The following SEMA6D variants were observed in gnomAD, a reference collection of about 807,000 sequenced individuals.
The protein encoded by SEMA6D is semaphorin 6D.
SEMA6D carries 35 observed loss-of-function variants against 106.6 expected under a neutral mutation model. The observed-to-expected ratio is 0.33, with a 90% CI of 0.25 to 0.44. SEMA6D has a LOEUF of 0.44. SEMA6D is among the 20% of genes least tolerant of loss of function. The pLI, the probability that SEMA6D is intolerant of heterozygous loss-of-function variation, is 1.00. For missense variants in SEMA6D, 1,185 were observed against 1,345.9 expected (o/e 0.88, Z 1.87); for synonymous variants, 499 against 487.7 (o/e 1.02, Z -0.31).
At chr15:47,208,382 TC>T (rs1895254681) in intron 1 of SEMA6D, among the ~76,000 whole-genome samples, 1 of 152,164 alleles carries the variant, frequency 6.6e-6, no homozygotes, top group African/African-American at 2.4e-5. Context: ...CTCTATTTAG[TC>T]CTCTATATTA....
At chr15:47,261,379 T>C (rs2034069733) in intron 1 of SEMA6D, among the ~76,000 whole-genome samples, 1 of 152,180 alleles carries the variant, frequency 6.6e-6, no homozygotes, top group African/African-American at 2.4e-5. Context: ...GATTTCCTTT[T>C]CAAAAGCCAG....
At chr15:47,370,927 T>A (rs191819146) in intron 1 of SEMA6D, among the ~76,000 whole-genome samples, 1 of 152,200 alleles carries the variant, frequency 6.6e-6, no homozygotes, top group Admixed American at 6.5e-5. Flanking sequence ...TGGAGGATAA[T>A]GTGGAAAGGA....
At chr15:47,569,132 G>T (rs1023929381) in intron 3 of SEMA6D, among the ~76,000 whole-genome samples, 2 of 152,122 alleles carry the variant, frequency 1.3e-5, no homozygotes, top group Non-Finnish European at 2.9e-5. Context: ...AAGGTTTCCA[G>T]TAAAGAAAAT....
intron 1 of SEMA6D, among the ~76,000 whole-genome samples, chr15:47,246,638 A>G (rs1358708665): frequency 6.6e-6 from 1 of 152,110 alleles, no homozygotes; most frequent in Non-Finnish European, 1.5e-5. Flanking sequence ...CCCTTCTCCC[A>G]TCATTGCGTC....
At chr15:47,393,927 A>G (rs557907702) in intron 1 of SEMA6D, among the ~76,000 whole-genome samples, 16 of 152,308 alleles carry the variant, frequency 1.1e-4, no homozygotes, top group Non-Finnish European at 2.2e-4. Flanking sequence ...GGTATAATTA[A>G]TGCTATCTTT....
At chr15:47,673,468 C>T (rs145685514) in intron 4 of SEMA6D, among the ~76,000 whole-genome samples, 99 of 152,290 alleles carry the variant, frequency 6.5e-4, no homozygotes, top group African/African-American at 2.1e-3. Flanking sequence ...CCAGAATCCA[C>T]GTCTGGGAAT....
chr15:47,320,295 C>T (rs555628976), intron 1 of SEMA6D, among the ~76,000 whole-genome samples: 6 of 152,288 alleles, frequency 3.9e-5, no homozygotes, highest in East Asian at 1.9e-4. Context: ...GCACCATCCT[C>T]TTGGTACCCC....
intron 1 of SEMA6D, among the ~76,000 whole-genome samples, chr15:47,718,081 T>G (rs2079196766): frequency 6.6e-6 from 1 of 152,126 alleles, no homozygotes; most frequent in Admixed American, 6.5e-5. Context: ...AGTAAAAGTT[T>G]CTTGCCAGGC....
intron 3 of SEMA6D, among the ~76,000 whole-genome samples, chr15:47,479,053 G>A (rs2043077398): frequency 2.6e-5 from 4 of 152,188 alleles, no homozygotes; most frequent in Admixed American, 2.0e-4. Context: ...TAGGGATTAT[G>A]GGAGCTACAA....
At chr15:47,663,817 G>A (rs1566969886) in intron 4 of SEMA6D, among the ~76,000 whole-genome samples, 3 of 152,192 alleles carry the variant, frequency 2.0e-5, no homozygotes, top group Non-Finnish European at 4.4e-5. Context: ...GCACATGGAT[G>A]TGGTAATTAA....
At chr15:47,463,494 AC>A (rs1455935015) in intron 2 of SEMA6D, among the ~76,000 whole-genome samples, 2 of 152,148 alleles carry the variant, frequency 1.3e-5, no homozygotes, top group African/African-American at 2.4e-5. Context: ...AAGTTTCTCA[AC>A]CCTTTGCAAT....
intron 2 of SEMA6D, among the ~76,000 whole-genome samples, chr15:47,461,979 G>GA (rs890324322): frequency 4.6e-5 from 7 of 152,004 alleles, no homozygotes; most frequent in African/African-American, 7.2e-5. Flanking sequence ...TGTATTACCA[G>GA]AAAATACTGA....
chr15:47,363,137 C>G (rs567053408), intron 1 of SEMA6D, among the ~76,000 whole-genome samples: 1 of 152,190 alleles, frequency 6.6e-6, no homozygotes, highest in Non-Finnish European at 1.5e-5. Context: ...CTTATGAACA[C>G]TTTAGGAGAT....
At position 47,717,613 on chromosome 15, in the gene SEMA6D, T is replaced by C. The variant is rs901209836; in HGVS notation, c.-134T>C. 6.6e-6 allele frequency: 1 copy of C among 152,122 alleles called. No individual in the cohort carries two copies. Among genetic ancestry groups the C allele is most frequent in the Non-Finnish European group, 1.5e-5 (1 of 68,112 alleles). The allele number at this position is 152,122 out of a possible 1,614,324, so 9.4% of individuals were successfully genotyped here. On this transcript the variant is annotated 5_prime_UTR_variant, in exon 1 of 19. Transcript: ENST00000536845. ...GGGATATCTATTTTTACAATATTTT[T>C]CTTTATTTTCTTTCTTCCTTGCGCG...
chr15:47,689,236 C>T (rs1244274394), intron 4 of SEMA6D, among the ~76,000 whole-genome samples: 2 of 152,148 alleles, frequency 1.3e-5, no homozygotes, highest in Non-Finnish European at 2.9e-5. Context: ...GTTTCAGTCA[C>T]CCCTTTGAAT....
At chr15:47,264,121 C>T (rs770092268) in intron 1 of SEMA6D, among the ~76,000 whole-genome samples, 1 of 151,950 alleles carries the variant, frequency 6.6e-6, no homozygotes, top group Non-Finnish European at 1.5e-5. Flanking sequence ...TGCGTGTTCT[C>T]ACTTAAAGTG....
At chr15:47,282,461 G>A (rs919020341) in intron 1 of SEMA6D, among the ~76,000 whole-genome samples, 1 of 152,112 alleles carries the variant, frequency 6.6e-6, no homozygotes. Flanking sequence ...TTATTCTACT[G>A]TTGATGAACA....
chr15:47,735,919 G>T (rs2080420481), intron 1 of SEMA6D, among the ~76,000 whole-genome samples: 1 of 152,182 alleles, frequency 6.6e-6, no homozygotes, highest in African/African-American at 2.4e-5. Context: ...TAATCAAGAG[G>T]TGTTAATGCA....
intron 3 of SEMA6D, among the ~76,000 whole-genome samples, chr15:47,507,729 C>A (rs920520849): frequency 6.6e-6 from 1 of 152,146 alleles, no homozygotes; most frequent in East Asian, 1.9e-4. Context: ...CAGTGTCAGA[C>A]AGATGGTAAA....
Sources: allele counts gnomAD v4.1 joint callset (sites outside exome capture counted in the v4.1 genomes callset), GRCh38; gene constraint gnomAD v4.1.1; transcripts MANE v1.5; gene names NCBI Gene and HGNC (gene_info 2026-07-23, HGNC 2026-07-21).